NALCN: variants seen among roughly 807,000 people sequenced by gnomAD.
NALCN encodes the protein sodium leak channel NALCN.
In NALCN, 111 loss-of-function variants were observed where a neutral mutation model predicts 225.3. That is an observed-to-expected ratio of 0.49 (90% CI 0.42 to 0.58). The LOEUF (loss-of-function observed/expected upper bound fraction) is 0.58. Ranked by LOEUF, NALCN falls within the 20% of genes least tolerant of loss-of-function variation. NALCN has a pLI of 0.00. For missense variants in NALCN, 1,378 were observed against 2,202.4 expected, an observed-to-expected ratio of 0.63 and a Z score of 7.49; for synonymous variants, 764 against 769.0, an observed-to-expected ratio of 0.99 and a Z score of 0.11.
intron 1 of NALCN, among the ~76,000 whole-genome samples, chr13:101,409,803 G>A (rs918282040): frequency 1.3e-5 from 2 of 152,186 alleles, no homozygotes; most frequent in Non-Finnish European, 2.9e-5. Flanking sequence ...GTTTAAAATA[G>A]TAATTCCTAA....
At chr13:101,114,639 T>C (rs2035615831) in intron 18 of NALCN, among the ~76,000 whole-genome samples, 1 of 152,184 alleles carries the variant, frequency 6.6e-6, no homozygotes, top group Non-Finnish European at 1.5e-5. Flanking sequence ...GCTCTTCCCA[T>C]TCAAGTCCAA....
At chr13:101,315,149 G>C (rs2044509386) in intron 7 of NALCN, among the ~76,000 whole-genome samples, 3 of 152,072 alleles carry the variant, frequency 2.0e-5, no homozygotes, top group South Asian at 4.1e-4. Flanking sequence ...GGAAAAATTG[G>C]TCAAAATGAG....
chr13:101,077,295 A>G (rs1332655108), intron 34 of NALCN, among the ~76,000 whole-genome samples: 1 of 152,224 alleles, frequency 6.6e-6, no homozygotes, highest in Non-Finnish European at 1.5e-5. Flanking sequence ...GTGGGGGGCT[A>G]CTATAAGGAT....
intron 7 of NALCN, among the ~76,000 whole-genome samples, chr13:101,301,361 C>T (rs575523979): frequency 6.6e-6 from 1 of 152,260 alleles, no homozygotes; most frequent in South Asian, 2.1e-4. Flanking sequence ...CAGCATTCTG[C>T]CTTTGAGGAG....
chr13:101,403,128 T>C (rs1436852603), intron 1 of NALCN, among the ~76,000 whole-genome samples: 1 of 152,236 alleles, frequency 6.6e-6, no homozygotes, highest in East Asian at 1.9e-4. Flanking sequence ...GTGTATCTTC[T>C]TATTTCTCAT....
intron 15 of NALCN, among the ~76,000 whole-genome samples, chr13:101,168,107 G>A (rs9582457): frequency 0.24 from 36,756 of 151,846 alleles, 5,215 homozygotes; most frequent in Non-Finnish European, 0.32. Context: ...TTTGATCTTG[G>A]TGACAAACAC....
Position 101,318,174 on chromosome 13 carries a change from G to A in NALCN, c.800-25808C>T, listed in dbSNP as rs74117858. 7.3e-3 allele frequency among the ~76,000 whole-genome samples: 1,104 copies of A among 152,216 alleles called. 5 individuals are homozygous for A. The highest frequency in any genetic ancestry group is 0.019 in the African/African-American group (807 of 41,534). ...CAAGTTTTTCTCACCCGCTGGGCTC[G>A]TTCTGCCCACCCGGCCTGGCAGGCA... On this transcript the variant is annotated intron_variant, in intron 7 of 43. Transcript: ENST00000251127.
At chr13:101,196,252 C>A (rs928923003) in intron 13 of NALCN, among the ~76,000 whole-genome samples, 2 of 152,132 alleles carry the variant, frequency 1.3e-5, no homozygotes, top group Middle Eastern at 3.4e-3. Context: ...TAAATATATT[C>A]TTTCTTTCTT....
intron 15 of NALCN, among the ~76,000 whole-genome samples, chr13:101,164,544 G>T (rs1337684220): frequency 6.6e-6 from 1 of 152,028 alleles, no homozygotes; most frequent in African/African-American, 2.4e-5. Context: ...TCCCACCTTG[G>T]CCTCCCATAT....
At chr13:101,417,173 GA>G (rs1339778781), upstream of NALCN, among the ~76,000 whole-genome samples, 1 of 152,106 alleles carries the variant, frequency 6.6e-6, no homozygotes, top group African/African-American at 2.4e-5. Flanking sequence ...CAGGTTTAGG[GA>G]AATCTGGCCT....
In NALCN at chr13:101,229,879, G is replaced by A. The variant is rs16958677; in HGVS notation, c.1435-295C>T. Among the ~76,000 whole-genome samples, 6,465 of 152,080 alleles carry A rather than the reference G, an allele frequency of 0.043. 439 individuals are homozygous for A. The highest frequency in any genetic ancestry group is 0.15 in the African/African-American group (6,144 of 41,478). ...TTTTTCTAACGTTCAAATATGCAAG[G>A]AAACCTTTAATTCAATACAGGTTGA... On this transcript the variant is annotated intron_variant, in intron 12 of 43. Coordinates refer to ENST00000251127, the MANE Select transcript of NALCN (RefSeq NM_052867.4).
rs561411484 is a variant in NALCN, at chr13:101,254,474, G to A, written c.1266+3969C>T. ...TGCTTAAGTAGTTCAAGAGTACACT[G>A]ATGGGGTCTATCTGGTTGTTTAAGT... On this transcript the variant is annotated intron_variant, in intron 11 of 43. Transcript: ENST00000251127. 4.5e-4 allele frequency among the ~76,000 whole-genome samples: 68 copies of A among 151,784 alleles called. 1 individual carries two copies. Among genetic ancestry groups the A allele is most frequent in the Non-Finnish European group, 2.4e-4 (16 of 67,986 alleles).
chr13:101,404,986 A>G (rs188547134), intron 1 of NALCN, among the ~76,000 whole-genome samples: 2 of 152,356 alleles, frequency 1.3e-5, no homozygotes, highest in Admixed American at 1.3e-4. Flanking sequence ...AGACACATGT[A>G]TTTGATGTTA....
intron 13 of NALCN, among the ~76,000 whole-genome samples, chr13:101,225,047 GC>G (rs2041088180): frequency 6.6e-6 from 1 of 152,110 alleles, no homozygotes. Flanking sequence ...AACTTGCGCT[GC>G]CCCTGGTGCC....
At chr13:101,268,770 T>C (rs1223852288) in intron 10 of NALCN, among the ~76,000 whole-genome samples, 1 of 152,218 alleles carries the variant, frequency 6.6e-6, no homozygotes, top group Non-Finnish European at 1.5e-5. Flanking sequence ...CTGTCTTGAA[T>C]TGATTTAAAA....
intron 14 of NALCN, among the ~76,000 whole-genome samples, chr13:101,188,684 A>G (rs949886424): frequency 1.5e-4 from 23 of 150,664 alleles, no homozygotes; most frequent in Non-Finnish European, 2.7e-4. Flanking sequence ...GTGTGTGTAT[A>G]TATATATATA....
At position 101,099,978 on chromosome 13, in the gene NALCN, C is replaced by T. The variant is rs1339138944; in HGVS notation, c.3162+806G>A. Among the ~76,000 whole-genome samples, 6 of 152,148 alleles carry T rather than the reference C, an allele frequency of 3.9e-5. No homozygotes were observed. The South Asian group carries it at 8.3e-4, about 21-fold the overall frequency. ...TATACATTTCATTATGTGAAGCTACCGAAATATTGGGCTTGTTACAGCAGC... is the reference window on the plus strand; with the variant it reads ...TATACATTTCATTATGTGAAGCTACTGAAATATTGGGCTTGTTACAGCAGC... On this transcript the variant is annotated intron_variant, in intron 27 of 43. Coordinates refer to ENST00000251127, the MANE Select transcript of NALCN (RefSeq NM_052867.4).
chr13:101,099,050 T>C (rs192089004), intron 27 of NALCN, among the ~76,000 whole-genome samples: 2 of 138,600 alleles, frequency 1.4e-5, no homozygotes, highest in Admixed American at 1.4e-4. Flanking sequence ...TAATGTAAAA[T>C]CACCATGCTC....
chr13:101,169,666 G>T (rs1192304156), intron 15 of NALCN, among the ~76,000 whole-genome samples: 1 of 152,210 alleles, frequency 6.6e-6, no homozygotes, highest in Non-Finnish European at 1.5e-5. Context: ...TTCTCTGCAG[G>T]CAGCATGGCC....
Sources: gnomAD v4.1 joint callset for allele counts (sites outside exome capture counted in the v4.1 genomes callset) on GRCh38, gnomAD v4.1.1 for gene constraint, MANE v1.5 for transcripts, NCBI Gene and HGNC (gene_info 2026-07-23, HGNC 2026-07-21) for gene names.